The following AP3B1 variants were observed in gnomAD, a reference collection of about 807,000 sequenced individuals.
AP3B1 encodes adaptor related protein complex 3 subunit beta 1.
Under a neutral mutation model 132.5 loss-of-function variants are expected in AP3B1, and 61 were observed. The ratio of observed to expected loss-of-function variants is 0.46; its 90% CI spans 0.37 to 0.57. AP3B1 has a LOEUF of 0.57. AP3B1 is among the 20% of genes least tolerant of loss of function. The pLI is 0.00. For missense variants in AP3B1, 1,120 were observed against 1,289.4 expected (o/e 0.87, Z 2.01); for synonymous variants, 388 against 438.3 (o/e 0.89, Z 1.43).
intron 1 of AP3B1, among the ~76,000 whole-genome samples, chr5:78,269,137 T>C (rs1365312915): frequency 2.0e-5 from 3 of 152,236 alleles, no homozygotes; most frequent in Admixed American, 2.0e-4. Flanking sequence ...GATACTATTT[T>C]GTTAAATATC....
chr5:78,286,842 T>C (rs1749302820), intron 1 of AP3B1, among the ~76,000 whole-genome samples: 1 of 152,202 alleles, frequency 6.6e-6, no homozygotes, highest in Non-Finnish European at 1.5e-5. Flanking sequence ...TTCCAGCTGA[T>C]AGGCTAAATA....
chr5:78,004,903 CAT>C (rs1173120072), intron 26 of AP3B1, among the ~76,000 whole-genome samples: 2 of 152,202 alleles, frequency 1.3e-5, no homozygotes, highest in East Asian at 1.9e-4. Flanking sequence ...CAGACGTACA[CAT>C]GAGAGATTAT....
At chr5:78,024,435 G>C (rs1747243393) in intron 24 of AP3B1, among the ~76,000 whole-genome samples, 1 of 152,042 alleles carries the variant, frequency 6.6e-6, no homozygotes, top group Non-Finnish European at 1.5e-5. Context: ...TGTCACCCAG[G>C]CTGGAGTGCA....
intron 22 of AP3B1, chr5:78,042,248 A>ATT (rs149771716): frequency 6.1e-5 from 9 of 146,408 alleles, no homozygotes; most frequent in African/African-American, 1.8e-4. Flanking sequence ...AATTTTATTT[A>ATT]TTTTTTTTTT....
intron 10 of AP3B1, 34 bp downstream of exon 10, chr5:78,175,750 T>G: frequency 6.2e-7 from 1 of 1,609,166 alleles, no homozygotes; most frequent in Non-Finnish European, 8.5e-7. Flanking sequence ...TGTGTTCATG[T>G]GTCTCTTAAA....
intron 2 of AP3B1, among the ~76,000 whole-genome samples, chr5:78,266,769 ATCAGATAG>A (rs1488043541): frequency 6.6e-6 from 1 of 152,224 alleles, no homozygotes; most frequent in African/African-American, 2.4e-5. Context: ...ACTCCTGAGC[ATCAGATAG>A]TCAGTGGAAT....
chr5:78,177,202 T>G (rs1744181034), intron 9 of AP3B1, 137 bp downstream of exon 9: 1 of 648,022 alleles, frequency 1.5e-6, no homozygotes, highest in Non-Finnish European at 2.7e-6. Context: ...AATAATCCCC[T>G]TAAGTATGAA....
chr5:78,032,369 A>T (rs1053417124), intron 24 of AP3B1, among the ~76,000 whole-genome samples: 3 of 152,170 alleles, frequency 2.0e-5, no homozygotes, highest in African/African-American at 7.2e-5. Context: ...TCAAGGAAAA[A>T]ATTCAATATC....
intron 22 of AP3B1, among the ~76,000 whole-genome samples, chr5:78,065,904 G>A (rs892875458): frequency 6.6e-6 from 1 of 152,120 alleles, no homozygotes; most frequent in South Asian, 2.1e-4. Context: ...CCTTACACAG[G>A]AGCATTCCTG....
At position 78,267,600 on chromosome 5, in the gene AP3B1, T is replaced by C; in HGVS notation, c.129-5A>G. 1 of 1,577,736 alleles carries C rather than the reference T, an allele frequency of 6.3e-7. No individual in the cohort carries two copies. Among genetic ancestry groups the C allele is most frequent in the Non-Finnish European group, 8.7e-7 (1 of 1,149,540 alleles). On this transcript the variant is annotated splice_polypyrimidine_tract_variant and splice_region_variant and intron_variant, in intron 1 of 26. Coordinates refer to ENST00000255194, the MANE Select transcript of AP3B1 (RefSeq NM_003664.5). ...ATTTGCTTTAGATCTTCATTCCTAT[T>C]ACAAAAGAGAAGAAAAAAAATCCAT...
chr5:78,215,435 T>C (rs1745920627), intron 7 of AP3B1, among the ~76,000 whole-genome samples: 3 of 152,036 alleles, frequency 2.0e-5, no homozygotes, highest in Admixed American at 6.6e-5. Context: ...GAATAAGGCA[T>C]ACTTAAAAAA....
chr5:78,137,126 A>G (rs1276687824), intron 15 of AP3B1, among the ~76,000 whole-genome samples: 2 of 152,188 alleles, frequency 1.3e-5, no homozygotes, highest in African/African-American at 4.8e-5. Context: ...TTGGATATAC[A>G]AGATACATTT....
chr5:78,262,815 G>C (rs1047932026), intron 2 of AP3B1, among the ~76,000 whole-genome samples: 1 of 151,004 alleles, frequency 6.6e-6, no homozygotes, highest in Admixed American at 6.6e-5. Flanking sequence ...TGGGACCACA[G>C]GCACAGGTAG....
chr5:78,002,795 A>AC lies in AP3B1; in HGVS notation c.*106dup. 8.0e-6 allele frequency: 10 copies of AC among 1,244,168 alleles called. No homozygotes were observed. The highest frequency in any genetic ancestry group is 1.2e-5 in the Non-Finnish European group (10 of 843,510). The allele number at this position is 1,244,168 out of a possible 1,614,324, so 77.1% of individuals were successfully genotyped here. Reference sequence around the variant, plus strand: ...GACAAGAATGTCAAGAGTGTATTCTACCCCCACTGCCAGATGGAAGGGCTA... The same window carrying AC: ...GACAAGAATGTCAAGAGTGTATTCTACCCCCCACTGCCAGATGGAAGGGCTA... On this transcript the variant is annotated 3_prime_UTR_variant, in exon 27 of 27. Transcript: ENST00000255194.
At chr5:78,135,913 C>T (rs2112315108) in intron 15 of AP3B1, among the ~76,000 whole-genome samples, 1 of 152,154 alleles carries the variant, frequency 6.6e-6, no homozygotes, top group Non-Finnish European at 1.5e-5. Flanking sequence ...TTCAGTCTTT[C>T]AACTTTTTCC....
At chr5:78,233,616 C>A (rs1468187014) in intron 3 of AP3B1, among the ~76,000 whole-genome samples, 1 of 152,178 alleles carries the variant, frequency 6.6e-6, no homozygotes, top group East Asian at 1.9e-4. Context: ...GAAAGGAAAA[C>A]TGCCTGCGAC....
chr5:78,051,996 C>G (rs1748603080), intron 22 of AP3B1, among the ~76,000 whole-genome samples: 1 of 149,976 alleles, frequency 6.7e-6, no homozygotes, highest in Non-Finnish European at 1.5e-5. Flanking sequence ...TAGCATTAAC[C>G]TAGTATTGAC....
At chr5:78,018,671 AACACACACACACACAC>A (rs3050070) in intron 25 of AP3B1, among the ~76,000 whole-genome samples, 3 of 146,576 alleles carry the variant, frequency 2.0e-5, no homozygotes, top group Non-Finnish European at 4.5e-5. Flanking sequence ...AAGCTGGTGT[AACACACACACACACAC>A]ACACACACAC....
chr5:78,239,778 C>CAAAAAAAA (rs560151932), intron 3 of AP3B1, among the ~76,000 whole-genome samples: 6 of 77,354 alleles, frequency 7.8e-5, no homozygotes, highest in African/African-American at 1.9e-4. Flanking sequence ...GACTCTGTCT[C>CAAAAAAAA]AAAAAAAAAA....
Sources: allele counts gnomAD v4.1 joint callset (sites outside exome capture counted in the v4.1 genomes callset), GRCh38; gene constraint gnomAD v4.1.1; transcripts MANE v1.5; gene names NCBI Gene and HGNC (gene_info 2026-07-23, HGNC 2026-07-21).